Variants in COMMD10 observed in about 807,000 individuals in gnomAD.
COMMD10 encodes COMM domain containing 10, also known as COMM domain-containing protein 10.
Under a neutral mutation model 28.9 loss-of-function variants are expected in COMMD10, and 33 were observed. That is an observed-to-expected ratio of 1.14 (90% CI 0.87 to 1.53). The LOEUF (loss-of-function observed/expected upper bound fraction) is 1.53, where lower values mean the gene tolerates loss of function less well. COMMD10 is among the 40% of genes most tolerant of loss of function. The pLI, the probability that COMMD10 is intolerant of heterozygous loss-of-function variation, is 0.00. For synonymous variants in COMMD10, 110 were observed against 81.7 expected (o/e 1.35, Z -1.87); for missense variants, 310 against 233.4 (o/e 1.33, Z -2.14).
intron 5 of COMMD10, among the ~76,000 whole-genome samples, chr5:116,257,139 G>A (rs1273649874): frequency 6.6e-6 from 1 of 151,632 alleles, no homozygotes; most frequent in Non-Finnish European, 1.5e-5. Flanking sequence ...CTAGGGATGA[G>A]GAGACCTTCT....
At chr5:116,224,507 G>A (rs1219592042) in intron 5 of COMMD10, among the ~76,000 whole-genome samples, 1 of 152,160 alleles carries the variant, frequency 6.6e-6, no homozygotes, top group Admixed American at 6.5e-5. Flanking sequence ...CAATCATGGT[G>A]GAAGGCAAAA....
intron 5 of COMMD10, among the ~76,000 whole-genome samples, chr5:116,287,820 C>G (rs1336242550): frequency 6.6e-6 from 1 of 151,748 alleles, no homozygotes; most frequent in East Asian, 1.9e-4. Context: ...CAACCTAACT[C>G]TAATCACATA....
intron 5 of COMMD10, among the ~76,000 whole-genome samples, chr5:116,154,435 G>T (rs916432815): frequency 3.3e-5 from 5 of 152,056 alleles, no homozygotes; most frequent in Admixed American, 2.0e-4. Flanking sequence ...TGCAATATGT[G>T]GCCACCAGTC....
At chr5:116,156,187 G>A (rs1425831299) in intron 5 of COMMD10, among the ~76,000 whole-genome samples, 1 of 152,018 alleles carries the variant, frequency 6.6e-6, no homozygotes, top group Non-Finnish European at 1.5e-5. Flanking sequence ...TTATATTTTT[G>A]ACAAATAATA....
At chr5:116,158,947 C>A (rs1323545772) in intron 5 of COMMD10, among the ~76,000 whole-genome samples, 6 of 151,654 alleles carry the variant, frequency 4.0e-5, no homozygotes, top group Admixed American at 6.6e-5. Flanking sequence ...AGTCTTGTCA[C>A]AGGGACTAGA....
intron 4 of COMMD10, among the ~76,000 whole-genome samples, chr5:116,113,640 T>A (rs1418222965): frequency 2.0e-5 from 3 of 152,086 alleles, no homozygotes; most frequent in African/African-American, 4.8e-5. Context: ...TCCAGGATTT[T>A]TTTAAAGACG....
chr5:116,209,998 G>C (rs1205201393), intron 5 of COMMD10, among the ~76,000 whole-genome samples: 1 of 152,140 alleles, frequency 6.6e-6, no homozygotes, highest in Non-Finnish European at 1.5e-5. Flanking sequence ...CATCTGGTAA[G>C]GGCCTTCTTG....
intron 5 of COMMD10, among the ~76,000 whole-genome samples, chr5:116,195,385 A>G (rs534522315): frequency 1.3e-5 from 2 of 152,256 alleles, no homozygotes; most frequent in Admixed American, 6.5e-5. Flanking sequence ...GTGTTTGACA[A>G]TATGATCGTT....
intron 5 of COMMD10, among the ~76,000 whole-genome samples, chr5:116,287,844 C>T (rs376107366): frequency 6.6e-6 from 1 of 151,726 alleles, no homozygotes; most frequent in African/African-American, 2.4e-5. Flanking sequence ...AAACTTTCTC[C>T]TTTACTGCTC....
rs148410290 is a variant in COMMD10 at position 116,276,317 on chromosome 5, A to G, written c.511-15200A>G. The stretch of plus-strand genomic sequence containing the variant: ...ACCCAGGCTGTAGTGCAATGGCACT[A>G]TCTCAACTTACTGTAACCTCCACCT... On this transcript the variant is annotated intron_variant, in intron 5 of 6. Transcript: ENST00000274458. 2.5e-3 allele frequency among the ~76,000 whole-genome samples: 386 copies of G among 151,822 alleles called. 1 individual carries two copies. The highest frequency in any genetic ancestry group is 4.3e-3 in the Non-Finnish European group (295 of 67,990).
In COMMD10 at chr5:116,241,133, C is replaced by T. The variant is rs72806914; in HGVS notation, c.511-50384C>T. ...CACTTCAGAACTACTAATTGAGGTT[C>T]ATCAGAAAAAAGACATAAGCCAAAG... On this transcript the variant is annotated intron_variant, in intron 5 of 6. Transcript: ENST00000274458. Among the ~76,000 whole-genome samples the T allele has an allele frequency of 7.8e-3, 1,188 of 152,132 alleles. 16 individuals carry two copies. Among genetic ancestry groups the T allele is most frequent in the South Asian group, 0.012 (59 of 4,826 alleles).
rs868482083 is a variant in COMMD10, at chr5:116,172,354, T to C, written c.510+38176T>C. Among the ~76,000 whole-genome samples, 7 of 152,152 alleles carry C rather than the reference T, an allele frequency of 4.6e-5. No homozygotes were observed. The South Asian group carries it at 1.0e-3, about 23-fold the overall frequency. On this transcript the variant is annotated intron_variant, in intron 5 of 6. Transcript: ENST00000274458. Reference sequence around the variant, plus strand: ...GTACTCAGACAGAGGGAGCGAGTGATTATATGAAGAAAAATACTATGATGA... The same window carrying C: ...GTACTCAGACAGAGGGAGCGAGTGACTATATGAAGAAAAATACTATGATGA...
chr5:116,123,974 C>A (rs921338806), intron 4 of COMMD10, among the ~76,000 whole-genome samples: 5 of 151,314 alleles, frequency 3.3e-5, no homozygotes, highest in Non-Finnish European at 7.4e-5. Context: ...CTTTATTAAT[C>A]TTGCCAGCAG....
intron 5 of COMMD10, among the ~76,000 whole-genome samples, chr5:116,189,067 A>AT (rs1748254116): frequency 6.6e-6 from 1 of 152,194 alleles, no homozygotes; most frequent in Admixed American, 6.5e-5. Flanking sequence ...GTTAGGGTTT[A>AT]TTCTGAGTGC....
intron 5 of COMMD10, among the ~76,000 whole-genome samples, chr5:116,208,813 T>G (rs988424706): frequency 2.6e-5 from 4 of 152,300 alleles, no homozygotes; most frequent in South Asian, 4.1e-4. Context: ...TACATACAAA[T>G]TTCTGTTGAA....
chr5:116,247,263 A>G (rs1046237704), intron 5 of COMMD10, among the ~76,000 whole-genome samples: 1 of 152,136 alleles, frequency 6.6e-6, no homozygotes, highest in East Asian at 1.9e-4. Flanking sequence ...AATCAGAACC[A>G]CAATGAGATA....
intron 5 of COMMD10, among the ~76,000 whole-genome samples, chr5:116,265,929 A>G (rs1294195546): frequency 6.6e-6 from 1 of 151,796 alleles, no homozygotes; most frequent in African/African-American, 2.4e-5. Flanking sequence ...AAGTGGTAAT[A>G]CATATTCAGA....
At chr5:116,188,245 T>C (rs1273915996) in intron 5 of COMMD10, among the ~76,000 whole-genome samples, 1 of 152,202 alleles carries the variant, frequency 6.6e-6, no homozygotes, top group African/African-American at 2.4e-5. Flanking sequence ...CTTAGGTTTA[T>C]TGTTTTTGCC....
intron 5 of COMMD10, chr5:116,218,371 G>T: frequency 1.7e-6 from 1 of 571,642 alleles, no homozygotes; most frequent in Non-Finnish European, 3.2e-6. Context: ...GGTGAGTCCA[G>T]GGGTCGTTCT....
Sources: gnomAD v4.1 joint callset for allele counts (sites outside exome capture counted in the v4.1 genomes callset) on GRCh38, gnomAD v4.1.1 for gene constraint, MANE v1.5 for transcripts, NCBI Gene and HGNC (gene_info 2026-07-23, HGNC 2026-07-21) for gene names.